Variants in SIPA1L3 observed in about 807,000 individuals in gnomAD.
SIPA1L3 encodes the protein signal-induced proliferation-associated 1-like protein 3.
A neutral mutation model predicts 150.1 loss-of-function variants in SIPA1L3; 59 were observed. The ratio of observed to expected loss-of-function variants is 0.39; its 90% CI spans 0.32 to 0.49. SIPA1L3 has a LOEUF of 0.49. SIPA1L3 is among the 20% of genes least tolerant of loss of function. SIPA1L3 has a pLI of 0.86. For missense variants in SIPA1L3, 2,211 were observed against 2,489.5 expected, an observed-to-expected ratio of 0.89 and a Z score of 2.38; for synonymous variants, 1,070 against 1,077.6, an observed-to-expected ratio of 0.99 and a Z score of 0.14.
intron 11 of SIPA1L3, 103 bp from the exon 12 acceptor site, chr19:38,142,470 T>TGTCTGTCC (rs1186942839): frequency 2.2e-6 from 3 of 1,339,498 alleles, no homozygotes; most frequent in Non-Finnish European, 3.0e-6. Flanking sequence ...TTGGTCTGTC[T>TGTCTGTCC]GTCTGTCCGT....
chr19:38,134,130 T>G (rs571333520), intron 10 of SIPA1L3, among the ~76,000 whole-genome samples: 1 of 151,822 alleles, frequency 6.6e-6, no homozygotes, highest in African/African-American at 2.4e-5. Flanking sequence ...ACTACAGGCA[T>G]GCACCACCAC....
At chr19:37,971,650 C>T (rs530325142) in intron 1 of SIPA1L3, among the ~76,000 whole-genome samples, 26 of 152,088 alleles carry the variant, frequency 1.7e-4, no homozygotes, top group African/African-American at 5.1e-4. Flanking sequence ...ACTGCTACTT[C>T]GCTTCCCAGG....
chr19:37,963,180 G>A (rs763126573), intron 1 of SIPA1L3, among the ~76,000 whole-genome samples: 10 of 151,938 alleles, frequency 6.6e-5, no homozygotes, highest in Non-Finnish European at 1.3e-4. Flanking sequence ...TTCCTGAGTC[G>A]GCCCCAGCCA....
rs554254911 is a variant in SIPA1L3 at position 38,026,195 on chromosome 19, C to T, written c.-378-2894C>T. On this transcript the variant is annotated intron_variant, in intron 1 of 21. Coordinates refer to ENST00000222345, the MANE Select transcript of SIPA1L3 (RefSeq NM_015073.3). Reference sequence around the variant, plus strand: ...GGACATGTTTCCTTTTACCTCCTGGCTCAGCATTCTTCTGTGCTGATTTTA... The same window carrying T: ...GGACATGTTTCCTTTTACCTCCTGGTTCAGCATTCTTCTGTGCTGATTTTA... 3.3e-5 allele frequency among the ~76,000 whole-genome samples: 5 copies of T among 152,332 alleles called. No homozygotes were observed. The East Asian group carries it at 9.6e-4, about 29-fold the overall frequency.
At chr19:38,038,361 GGT>G (rs1243829249) in intron 2 of SIPA1L3, among the ~76,000 whole-genome samples, 2 of 152,168 alleles carry the variant, frequency 1.3e-5, no homozygotes, top group African/African-American at 4.8e-5. Flanking sequence ...GGGAGGCCCA[GGT>G]GAGCAGATCA....
Position 38,141,301 on chromosome 19 carries a change from C to G in SIPA1L3, c.3261C>G (p.Pro1087=). 3 of 1,613,968 alleles carry G rather than the reference C, an allele frequency of 1.9e-6. No homozygotes were observed. Among genetic ancestry groups the G allele is most frequent in the East Asian group, 2.2e-5 (1 of 44,860 alleles). The part of the protein sequence containing the change: ...RSNAPWQWSG[P]ASHNSLPASK... The stretch of plus-strand genomic sequence containing the variant: ...ATGCTCCCTGGCAGTGGAGCGGGCC[C>G]GCATCCCATAACTCTCTACCAGCCT... Residue 1087 remains proline (P), a synonymous_variant, in exon 11 of 22, where the codon CCC becomes CCG. Coordinates refer to ENST00000222345, the MANE Select transcript of SIPA1L3 (RefSeq NM_015073.3).
intron 1 of SIPA1L3, among the ~76,000 whole-genome samples, chr19:38,027,713 T>TG (rs1434583578): frequency 6.6e-6 from 1 of 151,764 alleles, no homozygotes; most frequent in Non-Finnish European, 1.5e-5. Flanking sequence ...AACAGGGTCT[T>TG]GCTATGTTGC....
intron 1 of SIPA1L3, among the ~76,000 whole-genome samples, chr19:37,997,672 T>C (rs1345830779): frequency 1.4e-5 from 2 of 146,386 alleles, no homozygotes; most frequent in East Asian, 4.2e-4. Context: ...ATCGAGACCA[T>C]CCTGGCCAAC....
intron 13 of SIPA1L3, among the ~76,000 whole-genome samples, chr19:38,157,491 C>T (rs1002568769): frequency 3.3e-5 from 5 of 152,200 alleles, no homozygotes; most frequent in African/African-American, 1.2e-4. Context: ...CCATAAGCTC[C>T]ACCCACAACC....
At chr19:38,121,075 C>T (rs1029939009) in intron 9 of SIPA1L3, among the ~76,000 whole-genome samples, 20 of 152,100 alleles carry the variant, frequency 1.3e-4, no homozygotes, top group African/African-American at 4.8e-4. Flanking sequence ...GGTGCAGTGG[C>T]TCATGCCTAT....
At chr19:38,043,393 AGC>A (rs1968970770) in intron 2 of SIPA1L3, among the ~76,000 whole-genome samples, 7 of 152,116 alleles carry the variant, frequency 4.6e-5, no homozygotes, top group African/African-American at 1.4e-4. Flanking sequence ...ATAGAGAAAA[AGC>A]GAGAGAAAGA....
At chr19:37,940,905 G>A (rs567365920) in intron 1 of SIPA1L3, among the ~76,000 whole-genome samples, 3 of 152,086 alleles carry the variant, frequency 2.0e-5, no homozygotes, top group East Asian at 3.9e-4. Flanking sequence ...TTTTTCTCTT[G>A]CAGTTTATAT....
intron 15 of SIPA1L3, among the ~76,000 whole-genome samples, chr19:38,171,051 G>GT (rs1050896971): frequency 2.6e-5 from 4 of 151,224 alleles, no homozygotes; most frequent in Non-Finnish European, 4.4e-5. Flanking sequence ...ACACACATAT[G>GT]TTTTTTTTTA....
At chr19:38,193,885 G>A in intron 18 of SIPA1L3, 105 bp downstream of exon 18, 2 of 1,263,308 alleles carry the variant, frequency 1.6e-6, no homozygotes, top group Non-Finnish European at 1.0e-6. Context: ...GAGGTCATCA[G>A]TGTCGGGGCC....
At chr19:37,943,158 A>T (rs1300781716) in intron 1 of SIPA1L3, among the ~76,000 whole-genome samples, 1 of 150,264 alleles carries the variant, frequency 6.7e-6, no homozygotes, top group Non-Finnish European at 1.5e-5. Flanking sequence ...TCTAGGCGTG[A>T]GTCACTCTGC....
chr19:38,164,722 G>A lies in SIPA1L3; in HGVS notation c.4024G>A (p.Gly1342Ser). ...GCCACACAAGCCCCCTGGAAGTATG[G>A]GCCTTTGTGGCGGGGGTCGCGAGGC... ...AKPHKPPGSM[G>S]LCGGGREAAG... The change falls in exon 15 of 22, where the codon GGC becomes AGC. Residue 1342 changes from glycine (G) to serine (S), a missense_variant. Physicochemically the swap from Gly to Ser is moderately conservative, Grantham distance 56. Around this residue, in one of 5 missense-constraint regions of SIPA1L3, gnomAD observed 806 missense variants for 870.1 expected, o/e 0.93. Transcript: ENST00000222345. The surrounding 1 kb of genome is among the most constrained non-coding windows in gnomAD (Gnocchi z 4.1). 6.2e-7 allele frequency: 1 copy of A among 1,614,016 alleles called. No individual in the cohort carries two copies.
chr19:38,154,439 T>TTTTA lies in SIPA1L3; in HGVS notation c.3661+1492_3661+1495dup, dbSNP rs551986699. Among the ~76,000 whole-genome samples the TTTTA allele has an allele frequency of 1.7e-3, 262 of 152,232 alleles. 1 individual carries two copies. The highest frequency in any genetic ancestry group is 4.1e-3 in the African/African-American group (172 of 41,548). ...AGGTCATATTTTTAAGTTGATTTTA[T>TTTTA]TTTATTTATTTATTTATTTATTTTT... On this transcript the variant is annotated intron_variant, in intron 13 of 21. Coordinates refer to ENST00000222345, the MANE Select transcript of SIPA1L3 (RefSeq NM_015073.3).
intron 15 of SIPA1L3, among the ~76,000 whole-genome samples, chr19:38,177,578 A>G (rs1972464541): frequency 6.6e-6 from 1 of 152,104 alleles, no homozygotes; most frequent in South Asian, 2.1e-4. Context: ...CTCTATACAT[A>G]TGTGTGTATA....
intron 9 of SIPA1L3, among the ~76,000 whole-genome samples, chr19:38,125,670 G>A (rs1010150213): frequency 6.6e-6 from 1 of 152,118 alleles, no homozygotes; most frequent in African/African-American, 2.4e-5. Context: ...CTCTCTCTTT[G>A]TGAAGCACCC....
Sources: allele counts gnomAD v4.1 joint callset (sites outside exome capture counted in the v4.1 genomes callset), GRCh38; gene constraint gnomAD v4.1.1; regional missense constraint gnomAD v4.1.1; non-coding constraint Gnocchi (gnomAD v3.1); transcripts MANE v1.5; gene names NCBI Gene and HGNC (gene_info 2026-07-23, HGNC 2026-07-21).